MAGI1: variants seen among roughly 807,000 people sequenced by gnomAD.
MAGI1 encodes the protein membrane-associated guanylate kinase, WW and PDZ domain-containing protein 1.
Under a neutral mutation model 139.9 loss-of-function variants are expected in MAGI1, and 58 were observed. The ratio of observed to expected loss-of-function variants is 0.41; its 90% CI spans 0.34 to 0.52. The LOEUF (loss-of-function observed/expected upper bound fraction) is 0.52. Among genes scored for constraint, MAGI1 ranks in the 20% least tolerant of loss-of-function variants. The probability of loss-of-function intolerance (pLI) is 0.12; values close to 1 mark genes in which losing one functional copy is unlikely to be tolerated. For missense variants in MAGI1, 1,874 were observed against 1,901.6 expected (o/e 0.99, Z 0.27); for synonymous variants, 812 against 737.9 (o/e 1.10, Z -1.63).
Position 65,872,898 on chromosome 3 carries a change from C to T in MAGI1, c.313+165098G>A, listed in dbSNP as rs539777489. 6 of 152,186 alleles carry T rather than the reference C, an allele frequency of 3.9e-5. No individual in the cohort carries two copies. The East Asian group carries it at 1.2e-3, about 29-fold the overall frequency. The allele number at this position is 152,186 out of a possible 1,614,324, so 9.4% of individuals were successfully genotyped here. On this transcript the variant is annotated intron_variant, in intron 1 of 22. Transcript: ENST00000402939. ...ATAGAAGAACCGGAACAGTGCTGACCTCTTTAAGAGGAGAGCACTGAGTGG... is the reference window on the plus strand; with the variant it reads ...ATAGAAGAACCGGAACAGTGCTGACTTCTTTAAGAGGAGAGCACTGAGTGG...
intron 1 of MAGI1, among the ~76,000 whole-genome samples, chr3:65,884,141 C>G (rs71306784): frequency 0.019 from 2,872 of 152,252 alleles, 40 homozygotes; most frequent in Non-Finnish European, 0.03. Context: ...AAAGGGATTT[C>G]AAGGTGATGG....
At chr3:65,490,234 A>G (rs1172197416) in intron 3 of MAGI1, among the ~76,000 whole-genome samples, 1 of 152,216 alleles carries the variant, frequency 6.6e-6, no homozygotes, top group Non-Finnish European at 1.5e-5. Context: ...AAGCACTATT[A>G]TTATCCTCAT....
intron 1 of MAGI1, among the ~76,000 whole-genome samples, chr3:65,908,521 T>G (rs1215722970): frequency 6.6e-6 from 1 of 152,194 alleles, no homozygotes; most frequent in Non-Finnish European, 1.5e-5. Flanking sequence ...CCTGACTTCG[T>G]GATCCACCCG....
intron 1 of MAGI1, among the ~76,000 whole-genome samples, chr3:65,937,548 C>A (rs572801153): frequency 2.0e-5 from 3 of 152,038 alleles, no homozygotes; most frequent in African/African-American, 4.8e-5. Flanking sequence ...CCACAGGCAC[C>A]GGCAGCCTCT....
intron 13 of MAGI1, among the ~76,000 whole-genome samples, chr3:65,392,860 A>C (rs1293231066): frequency 6.6e-6 from 1 of 152,234 alleles, no homozygotes; most frequent in Non-Finnish European, 1.5e-5. Flanking sequence ...CAATGAAGGC[A>C]AGGTAGACTG....
chr3:66,015,811 TTC>T (rs1356777006), intron 1 of MAGI1, among the ~76,000 whole-genome samples: 2 of 150,904 alleles, frequency 1.3e-5, no homozygotes, highest in Non-Finnish European at 3.0e-5. Context: ...TATACGCATT[TTC>T]TCTCTTTCTA....
Position 65,447,919 on chromosome 3 carries a change from T to C in MAGI1, c.1078+103A>G, listed in dbSNP as rs1575781626. On this transcript the variant is annotated intron_variant, in intron 7 of 22. Transcript: ENST00000402939. The stretch of plus-strand genomic sequence containing the variant: ...AGAATGAAAATCATAATTGGAGGAG[T>C]GCAAACTAAAGAAACAGGGATTAAG... 3.9e-6 allele frequency: 5 copies of C among 1,291,482 alleles called. No individual in the cohort carries two copies. In the South Asian group the frequency reaches 4.7e-5, roughly 12 times the overall value. 80.0% of individuals were successfully genotyped at this position (1,291,482 alleles called of 1,614,324 possible).
At chr3:65,800,401 T>C (rs928839733) in intron 1 of MAGI1, among the ~76,000 whole-genome samples, 3 of 152,190 alleles carry the variant, frequency 2.0e-5, no homozygotes, top group African/African-American at 7.2e-5. Flanking sequence ...GAAGAGTATC[T>C]TTTAGTAATT....
At chr3:65,807,411 A>T (rs916074318) in intron 1 of MAGI1, among the ~76,000 whole-genome samples, 4 of 152,072 alleles carry the variant, frequency 2.6e-5, no homozygotes, top group African/African-American at 9.7e-5. Context: ...CACTCATGAG[A>T]GCTCCACCCT....
intron 6 of MAGI1, among the ~76,000 whole-genome samples, chr3:65,451,310 AAGACC>A (rs759614772): frequency 1.3e-5 from 2 of 152,206 alleles, no homozygotes; most frequent in Non-Finnish European, 2.9e-5. Flanking sequence ...ATTGACATTG[AAGACC>A]CTATGGTAAT....
intron 1 of MAGI1, among the ~76,000 whole-genome samples, chr3:65,647,250 A>G (rs1283183088): frequency 1.3e-5 from 2 of 152,154 alleles, no homozygotes; most frequent in Non-Finnish European, 2.9e-5. Context: ...ACAAACATAC[A>G]TTTGACAACT....
chr3:65,821,614 G>T (rs1262041508), intron 1 of MAGI1, among the ~76,000 whole-genome samples: 1 of 152,166 alleles, frequency 6.6e-6, no homozygotes, highest in Non-Finnish European at 1.5e-5. Flanking sequence ...AAAGACATTG[G>T]ATTCTTACCC....
intron 1 of MAGI1, among the ~76,000 whole-genome samples, chr3:65,756,394 T>C (rs572733207): frequency 2.6e-5 from 4 of 152,318 alleles, no homozygotes; most frequent in African/African-American, 7.2e-5. Context: ...TCGGTAAAAG[T>C]TGCATGTACT....
chr3:65,459,118 A>G (rs1452130025), intron 5 of MAGI1, among the ~76,000 whole-genome samples: 1 of 152,056 alleles, frequency 6.6e-6, no homozygotes, highest in Admixed American at 6.6e-5. Context: ...CCGTAGATGT[A>G]TGGATTTGTT....
chr3:65,621,810 A>G (rs1388277716), intron 2 of MAGI1, among the ~76,000 whole-genome samples, 162 bp downstream of exon 2: 1 of 152,096 alleles, frequency 6.6e-6, no homozygotes, highest in East Asian at 1.9e-4. Context: ...GCACACCACG[A>G]CACTGTTATT....
At chr3:65,853,205 G>A (rs1178224198) in intron 1 of MAGI1, among the ~76,000 whole-genome samples, 1 of 152,062 alleles carries the variant, frequency 6.6e-6, no homozygotes, top group East Asian at 1.9e-4. Flanking sequence ...TCTACTCTGG[G>A]ACACATCAGC....
intron 18 of MAGI1, 57 bp from the exon 19 acceptor site, chr3:65,365,003 C>G (rs1390784347): frequency 1.5e-5 from 21 of 1,413,974 alleles, no homozygotes; most frequent in South Asian, 9.2e-5. Flanking sequence ...CATCCTCCAG[C>G]CAGGAGGTGT....
intron 1 of MAGI1, among the ~76,000 whole-genome samples, chr3:65,999,691 C>G (rs932530936): frequency 6.6e-5 from 10 of 151,942 alleles, no homozygotes; most frequent in Non-Finnish European, 1.5e-4. Context: ...GCTAAGTTCC[C>G]TTTTAAGCCA....
chr3:65,944,145 A>G (rs890945764), intron 1 of MAGI1, among the ~76,000 whole-genome samples: 3 of 152,206 alleles, frequency 2.0e-5, no homozygotes, highest in Non-Finnish European at 4.4e-5. Context: ...TCTTAGTAAA[A>G]TTTAATAAAA....
Sources: allele counts gnomAD v4.1 joint callset (sites outside exome capture counted in the v4.1 genomes callset), GRCh38; gene constraint gnomAD v4.1.1; transcripts MANE v1.5; gene names NCBI Gene and HGNC (gene_info 2026-07-23, HGNC 2026-07-21).